The following DENND1A variants were observed in gnomAD, a reference collection of about 807,000 sequenced individuals.
The protein encoded by DENND1A is DENN domain-containing protein 1A.
A neutral mutation model predicts 113.7 loss-of-function variants in DENND1A; 51 were observed. The ratio of observed to expected loss-of-function variants is 0.45; its 90% CI spans 0.36 to 0.57. The LOEUF is 0.57. Among genes scored for constraint, DENND1A ranks in the 20% least tolerant of loss-of-function variants. DENND1A has a pLI of 0.00. For synonymous variants in DENND1A, 565 were observed against 570.8 expected, an observed-to-expected ratio of 0.99 and a Z score of 0.14; for missense variants, 1,258 against 1,395.9, an observed-to-expected ratio of 0.90 and a Z score of 1.57.
chr9:123,927,429 A>G (rs1857306092), intron 1 of DENND1A, among the ~76,000 whole-genome samples: 1 of 152,192 alleles, frequency 6.6e-6, no homozygotes, highest in Admixed American at 6.5e-5. Flanking sequence ...TCTAATATAC[A>G]GTAATGTTCT....
intron 12 of DENND1A, among the ~76,000 whole-genome samples, chr9:123,582,749 G>C (rs1257604160): frequency 6.6e-6 from 1 of 151,386 alleles, no homozygotes; most frequent in Non-Finnish European, 1.5e-5. Context: ...ACCCAGGCTG[G>C]AGTGCAGTGG....
chr9:123,822,937 T>C (rs1340726238), intron 2 of DENND1A, among the ~76,000 whole-genome samples: 3 of 152,174 alleles, frequency 2.0e-5, no homozygotes, highest in South Asian at 4.1e-4. Context: ...GAAGAGAATA[T>C]TACAAACCCA....
chr9:123,765,722 A>G (rs1247111412), intron 4 of DENND1A, among the ~76,000 whole-genome samples: 1 of 152,224 alleles, frequency 6.6e-6, no homozygotes, highest in African/African-American at 2.4e-5. Flanking sequence ...AGTAGCAAAC[A>G]TGATATGGAA....
intron 13 of DENND1A, among the ~76,000 whole-genome samples, chr9:123,500,516 T>C (rs981989521): frequency 1.8e-4 from 28 of 152,156 alleles, no homozygotes; most frequent in Admixed American, 1.6e-3. Context: ...CTCCTACTCA[T>C]CCCTTAAAAC....
At chr9:123,562,959 G>A (rs576261519) in intron 12 of DENND1A, among the ~76,000 whole-genome samples, 1 of 152,270 alleles carries the variant, frequency 6.6e-6, no homozygotes, top group South Asian at 2.1e-4. Flanking sequence ...ATGAAAGAAC[G>A]AATGAGCAAG....
intron 13 of DENND1A, among the ~76,000 whole-genome samples, chr9:123,506,743 T>C (rs1235298533): frequency 6.6e-6 from 1 of 152,180 alleles, no homozygotes. Flanking sequence ...CAGGGTCACA[T>C]AGCCAGAAAG....
chr9:123,550,804 C>T (rs908630106), intron 13 of DENND1A, among the ~76,000 whole-genome samples: 8 of 152,134 alleles, frequency 5.3e-5, no homozygotes, highest in Non-Finnish European at 1.0e-4. Flanking sequence ...ATTTTAGAAC[C>T]ATACTGCTAC....
At chr9:123,544,596 A>G (rs554644252) in intron 13 of DENND1A, among the ~76,000 whole-genome samples, 1 of 152,296 alleles carries the variant, frequency 6.6e-6, no homozygotes, top group East Asian at 1.9e-4. Flanking sequence ...GCCACTTCTT[A>G]AAAAGTGACA....
intron 12 of DENND1A, among the ~76,000 whole-genome samples, chr9:123,558,359 T>A (rs2057545051): frequency 6.6e-6 from 1 of 152,200 alleles, no homozygotes; most frequent in Non-Finnish European, 1.5e-5. Context: ...TATTTATATT[T>A]CTCACACATC....
chr9:123,623,789 C>A (rs1052164402), intron 10 of DENND1A, among the ~76,000 whole-genome samples: 3 of 152,242 alleles, frequency 2.0e-5, no homozygotes, highest in African/African-American at 7.2e-5. Flanking sequence ...CTCTGGTCCA[C>A]AGAAAGCTGC....
At chr9:123,458,368 C>A (rs2048294093) in intron 13 of DENND1A, among the ~76,000 whole-genome samples, 1 of 152,130 alleles carries the variant, frequency 6.6e-6, no homozygotes, top group Non-Finnish European at 1.5e-5. Context: ...TATCTATTAT[C>A]TAATAATAGA....
chr9:123,643,431 G>T (rs1478829306), intron 9 of DENND1A, among the ~76,000 whole-genome samples: 1 of 152,176 alleles, frequency 6.6e-6, no homozygotes, highest in Non-Finnish European at 1.5e-5. Context: ...ATATGCCTTT[G>T]TCATTATTTA....
chr9:123,539,223 A>G (rs1486696826), intron 13 of DENND1A, among the ~76,000 whole-genome samples: 1 of 152,120 alleles, frequency 6.6e-6, no homozygotes, highest in Non-Finnish European at 1.5e-5. Flanking sequence ...AGTCTATCCA[A>G]TCTCTGGATC....
At chr9:123,536,342 T>C (rs1247828187) in intron 13 of DENND1A, among the ~76,000 whole-genome samples, 1 of 151,396 alleles carries the variant, frequency 6.6e-6, no homozygotes, top group South Asian at 2.1e-4. Context: ...TGGTGGCACA[T>C]GCCTGTAGTC....
chr9:123,720,604 C>T (rs904078302), intron 5 of DENND1A, among the ~76,000 whole-genome samples: 2 of 152,230 alleles, frequency 1.3e-5, no homozygotes, highest in Non-Finnish European at 2.9e-5. Context: ...GTTCACCCTT[C>T]TATCAGGGCT....
At chr9:123,398,475 C>T (rs575212604) in intron 21 of DENND1A, among the ~76,000 whole-genome samples, 6 of 150,520 alleles carry the variant, frequency 4.0e-5, no homozygotes, top group South Asian at 2.1e-4. Context: ...CCCGGGTTCA[C>T]GCCATTCTCC....
rs200175820 is a variant in DENND1A, at chr9:123,462,239, T to TACGC, written c.994-4346_994-4343dup. Among the ~76,000 whole-genome samples the TACGC allele has an allele frequency of 4.4e-3, 667 of 152,370 alleles. 3 individuals carry two copies. The highest frequency in any genetic ancestry group is 0.015 in the African/African-American group (632 of 41,582). On this transcript the variant is annotated intron_variant, in intron 13 of 23. Coordinates refer to ENST00000394215, the MANE Select transcript of DENND1A (RefSeq NM_001352964.2). ...TTTAACTCTCTGTGAGGCACAGTGC[T>TACGC]ACGCACTTCACAACTCTTTTTAACA...
chr9:123,411,873 G>A, intron 19 of DENND1A, 44 bp from the exon 20 acceptor site: 1 of 982,942 alleles, frequency 1.0e-6, no homozygotes. Flanking sequence ...ACACTGAGAA[G>A]GCTCAATGCA....
chr9:123,561,107 T>C (rs1384991811), intron 12 of DENND1A, among the ~76,000 whole-genome samples: 1 of 152,246 alleles, frequency 6.6e-6, no homozygotes, highest in East Asian at 1.9e-4. Flanking sequence ...TGCAAGCCAC[T>C]GTCGCTCTCC....
Sources: gnomAD v4.1 joint callset for allele counts (sites outside exome capture counted in the v4.1 genomes callset) on GRCh38, gnomAD v4.1.1 for gene constraint, MANE v1.5 for transcripts, NCBI Gene and HGNC (gene_info 2026-07-23, HGNC 2026-07-21) for gene names.